Variants in HAUS7 observed in about 807,000 individuals in gnomAD.
HAUS7 encodes HAUS augmin like complex subunit 7, also known as HAUS augmin-like complex subunit 7.
A neutral mutation model predicts 28.4 loss-of-function variants in HAUS7; 3 were observed. That is an observed-to-expected ratio of 0.11 (90% confidence interval 0.05 to 0.27). The LOEUF (loss-of-function observed/expected upper bound fraction) is 0.27. Among genes scored for constraint, HAUS7 ranks in the 10% least tolerant of loss-of-function variants. The pLI, the probability that HAUS7 is intolerant of heterozygous loss-of-function variation, is 1.00. For synonymous variants in HAUS7, 165 were observed against 132.1 expected (o/e 1.25, Z -1.71); for missense variants, 284 against 297.3 (o/e 0.96, Z 0.33).
chrX:153,468,590 G>A (rs1445020991), intron 2 of HAUS7, among the ~76,000 whole-genome samples: 1 of 112,444 alleles, frequency 8.9e-6, no homozygotes, highest in Non-Finnish European at 1.9e-5. Context: ...TTCATAGGGT[G>A]CCAGGCACAC....
chrX:153,458,655 T>C (rs1054735755), intron 4 of HAUS7, among the ~76,000 whole-genome samples: 6 of 112,137 alleles, frequency 5.4e-5, no homozygotes, highest in Admixed American at 9.5e-5. Context: ...TGTTGACATC[T>C]TTCAGGAACT....
At chrX:153,493,953 T>G (rs192741169) in intron 1 of HAUS7, among the ~76,000 whole-genome samples, 56 of 112,595 alleles carry the variant, frequency 5.0e-4, no homozygotes, top group African/African-American at 1.8e-3. Context: ...ATATGCAATT[T>G]TCTCTTTTGG....
chrX:153,455,856 G>A (rs1287968308), intron 7 of HAUS7, 90 bp from the exon 8 acceptor site: 2 of 547,849 alleles, frequency 3.7e-6, no homozygotes, highest in East Asian at 3.4e-5. Context: ...CACACCCAGG[G>A]CGAGGAAGAA....
intron 4 of HAUS7, among the ~76,000 whole-genome samples, chrX:153,458,018 C>A (rs1035897050): frequency 4.4e-5 from 5 of 113,539 alleles, no homozygotes; most frequent in African/African-American, 1.6e-4. Flanking sequence ...GTGGCCTGTG[C>A]CTTCAGCGCC....
At chrX:153,457,721 A>G (rs1406635049) in intron 4 of HAUS7, among the ~76,000 whole-genome samples, 1 of 113,217 alleles carries the variant, frequency 8.8e-6, no homozygotes, top group Non-Finnish European at 1.9e-5. Context: ...AGGCTCCAGG[A>G]GCAGCAGCTC....
chrX:153,462,415 G>C (rs2089403805), intron 4 of HAUS7, among the ~76,000 whole-genome samples, 195 bp downstream of exon 4: 1 of 112,632 alleles, frequency 8.9e-6, no homozygotes, highest in Admixed American at 9.3e-5. Flanking sequence ...TTCTACCCAA[G>C]AGAATCCCAG....
upstream of HAUS7, among the ~76,000 whole-genome samples, chrX:153,474,587 T>C (rs1468864772): frequency 9.0e-6 from 1 of 110,887 alleles, no homozygotes; most frequent in Non-Finnish European, 1.9e-5. Context: ...CAGCGGTCCA[T>C]CTTTGTCCTC....
chrX:153,462,766 G>A, intron 3 of HAUS7, 95 bp from the exon 4 acceptor site: 1 of 678,408 alleles, frequency 1.5e-6, no homozygotes, highest in Non-Finnish European at 2.4e-6. Flanking sequence ...AGACTAGACT[G>A]GGTATAGGAG....
intron 1 of HAUS7, among the ~76,000 whole-genome samples, chrX:153,490,692 G>T (rs982645644): frequency 1.7e-4 from 19 of 112,745 alleles, no homozygotes; most frequent in African/African-American, 6.1e-4. Flanking sequence ...CCATAAACTT[G>T]GGGCCGCTCT....
intron 9 of HAUS7, among the ~76,000 whole-genome samples, chrX:153,453,791 T>G (rs12388709): frequency 1.7e-3 from 183 of 110,038 alleles, no homozygotes; most frequent in Non-Finnish European, 2.8e-3. Context: ...TGGCCCTCAT[T>G]ATAAGCCTTT....
upstream of HAUS7, among the ~76,000 whole-genome samples, chrX:153,474,743 G>A (rs1294257936): frequency 1.0e-5 from 1 of 100,429 alleles, no homozygotes; most frequent in African/African-American, 3.6e-5. Context: ...GGGCGCGGGC[G>A]CTGGCGCGGG....
chrX:153,487,964 C>G (rs782477238), intron 1 of HAUS7, among the ~76,000 whole-genome samples: 49 of 112,918 alleles, frequency 4.3e-4, no homozygotes, highest in Admixed American at 4.2e-3. Context: ...GGACAGCCTC[C>G]ACAGCTCTCT....
chrX:153,473,219 C>T (rs189440785), upstream of HAUS7, among the ~76,000 whole-genome samples: 177 of 112,709 alleles, frequency 1.6e-3, 1 homozygote, highest in Non-Finnish European at 2.4e-3. Context: ...CACGGTGCAG[C>T]GGGAATCAAC....
At position 153,454,511 on chromosome X, in the gene HAUS7, G is replaced by GGGGAGGGAGGGAGGGA. The variant is rs371637396; in HGVS notation, c.931-19_931-4dup. The stretch of plus-strand genomic sequence containing the variant: ...ACTGCCATGACCACTTGCAGCAGCT[G>GGGGAGGGAGGGAGGGA]GGGAGGGAGGGAGGGAGGGAGGGAG... On this transcript the variant is annotated splice_region_variant and splice_polypyrimidine_tract_variant and intron_variant, in intron 8 of 9. Transcript: ENST00000370211. 8.8e-6 allele frequency: 5 copies of GGGGAGGGAGGGAGGGA among 569,181 alleles called. No homozygotes were observed. The African/African-American group carries it at 1.2e-4, about 13-fold the overall frequency. 46.9% of individuals were successfully genotyped at this position (569,181 alleles called of 1,213,427 possible).
Position 153,452,271 on chromosome X carries a change from G to C in HAUS7, c.1045+2123C>G, listed in dbSNP as rs1308961900. Among the ~76,000 whole-genome samples, 65 of 112,220 alleles carry C rather than the reference G, an allele frequency of 5.8e-4. 1 individual carries two copies. Among genetic ancestry groups the C allele is most frequent in the Admixed American group, 5.3e-3 (56 of 10,633 alleles). On this transcript the variant is annotated intron_variant, in intron 9 of 9. Coordinates refer to ENST00000370211, the MANE Select transcript of HAUS7 (RefSeq NM_001385482.1). The stretch of plus-strand genomic sequence containing the variant: ...TTCCCTACAGGAAATACTAAGGGTA[G>C]GCCTCCGGGATGGCATGGAAGGACA...
intron 1 of HAUS7, chrX:153,486,090 G>C (rs1556988488): frequency 1.1e-6 from 1 of 946,221 alleles, no homozygotes; most frequent in Non-Finnish European, 1.4e-6. Flanking sequence ...AGCCACAACA[G>C]GATCAGGTAG....
intron 1 of HAUS7, chrX:153,486,687 C>T (rs1019094454): frequency 1.1e-5 from 11 of 981,167 alleles, no homozygotes; most frequent in African/African-American, 4.0e-5. Flanking sequence ...CCAACCTTAC[C>T]TCCACACACC....
At chrX:153,487,669 C>T (rs140709905) in intron 1 of HAUS7, among the ~76,000 whole-genome samples, 1,537 of 112,605 alleles carry the variant, frequency 0.014, 23 homozygotes, top group African/African-American at 0.048. Context: ...GGAGTGAGCA[C>T]GTGGTCTGTG....
At position 153,470,568 on chromosome X, in the gene HAUS7, C is replaced by T. The variant is rs782071804; in HGVS notation, c.-11G>A. Reference sequence around the variant, plus strand: ...GTCCTGCCCCGCCATGTTTCGCGCTCCGAGCCGCGCCCCGCCCATGCCCTG... The same window carrying T: ...GTCCTGCCCCGCCATGTTTCGCGCTTCGAGCCGCGCCCCGCCCATGCCCTG... On this transcript the variant is annotated 5_prime_UTR_variant, in exon 1 of 10. Transcript: ENST00000370211. The T allele has an allele frequency of 2.5e-6, 3 of 1,204,445 alleles. No homozygotes were observed. In the South Asian group the frequency reaches 5.3e-5, roughly 21 times the overall value.
Sources: allele counts gnomAD v4.1 joint callset (sites outside exome capture counted in the v4.1 genomes callset), GRCh38; gene constraint gnomAD v4.1.1; transcripts MANE v1.5; gene names NCBI Gene and HGNC (gene_info 2026-07-23, HGNC 2026-07-21).